The following TBX5 variants were observed in gnomAD, a reference collection of about 807,000 sequenced individuals.
The protein encoded by TBX5 is T-box transcription factor TBX5.
In TBX5, 8 loss-of-function variants were observed where a neutral mutation model predicts 51.1. That is an observed-to-expected ratio of 0.16 (90% CI 0.09 to 0.28). TBX5 has a LOEUF of 0.28. Among genes scored for constraint, TBX5 ranks in the 10% least tolerant of loss-of-function variants. The pLI is 1.00. For missense variants in TBX5, 589 were observed against 671.7 expected (o/e 0.88, Z 1.36); for synonymous variants, 302 against 266.4 (o/e 1.13, Z -1.30).
chr12:114,361,055 G>T (rs1033587208), intron 8 of TBX5, among the ~76,000 whole-genome samples: 2 of 152,116 alleles, frequency 1.3e-5, no homozygotes, highest in Admixed American at 1.3e-4. Flanking sequence ...CAAGCACCTA[G>T]CACAGTGTCC....
intron 6 of TBX5, among the ~76,000 whole-genome samples, chr12:114,392,597 C>T (rs1165821920): frequency 6.6e-6 from 1 of 152,138 alleles, no homozygotes; most frequent in East Asian, 1.9e-4. Context: ...TTCCTATCCT[C>T]CTGTATGAAC....
At chr12:114,376,274 T>C (rs7961277) in intron 7 of TBX5, among the ~76,000 whole-genome samples, 79,570 of 144,664 alleles carry the variant, frequency 0.55, 22,211 homozygotes, top group African/African-American at 0.67. Flanking sequence ...TGTATATATA[T>C]ACACACACAC....
rs560428802 is a variant in TBX5 at position 114,359,852 on chromosome 12, C to G, written c.983-3746G>C. Among the ~76,000 whole-genome samples the G allele has an allele frequency of 8.3e-4, 126 of 152,272 alleles. 1 individual carries two copies. The highest frequency in any genetic ancestry group is 1.4e-3 in the Admixed American group (21 of 15,296). On this transcript the variant is annotated intron_variant, in intron 8 of 8. Transcript: ENST00000405440. ...GATTTAATTGAGGTAATAATGAGGG[C>G]AGTTGAGTTTTTATCTTCCTTGCAC...
chr12:114,374,770 G>A (rs1870102036), intron 7 of TBX5, among the ~76,000 whole-genome samples: 1 of 152,182 alleles, frequency 6.6e-6, no homozygotes, highest in Admixed American at 6.5e-5. Context: ...TAAAATACAG[G>A]AGTGTGAACA....
chr12:114,398,624 G>A lies in TBX5; in HGVS notation c.459C>T (p.Val153=), dbSNP rs1298187596. ...TGGTGAGCTTGAGTTTCTGGAAGGAGACGAGCTGCCTCATCCAATGCGCCC... is the reference window on the plus strand; with the variant it reads ...TGGTGAGCTTGAGTTTCTGGAAGGAAACGAGCTGCCTCATCCAATGCGCCC... ...ATGAHWMRQL[V]SFQKLKLTNN... The change falls in exon 5 of 9, where the codon GTC becomes GTT. Residue 153 remains valine, a synonymous_variant. Transcript: ENST00000405440. 1 of 1,613,548 alleles carries A rather than the reference G, an allele frequency of 6.2e-7. No individual in the cohort carries two copies. The highest frequency in any genetic ancestry group is 8.5e-7 in the Non-Finnish European group (1 of 1,179,898).
rs149030937 is a variant in TBX5, at chr12:114,403,782, C to T, written c.117G>A (p.Pro39=). The stretch of plus-strand genomic sequence containing the variant: ...GGGTGAAGGCGGCCTGCGGGGACGA[C>T]GGGGACTTGCTGGGGGCCCCGAGCG... The part of the protein sequence containing the change: ...ESALGAPSKS[P]SSPQAAFTQQ... Residue 39 remains proline, a synonymous_variant, in exon 2 of 9, where the codon CCG becomes CCA. Coordinates refer to ENST00000405440, the MANE Select transcript of TBX5 (RefSeq NM_181486.4). The T allele has an allele frequency of 9.9e-6, 16 of 1,613,730 alleles. No homozygotes were observed. The African/African-American group carries it at 1.3e-4, about 13-fold the overall frequency.
At chr12:114,362,055 A>G (rs1238265663) in intron 8 of TBX5, among the ~76,000 whole-genome samples, 1 of 152,080 alleles carries the variant, frequency 6.6e-6, no homozygotes, top group Non-Finnish European at 1.5e-5. Context: ...CAAATCCACA[A>G]AGAAGTGGGG....
At chr12:114,373,232 A>T (rs1212736475) in intron 7 of TBX5, among the ~76,000 whole-genome samples, 1 of 152,132 alleles carries the variant, frequency 6.6e-6, no homozygotes, top group Non-Finnish European at 1.5e-5. Context: ...TTTGACTCAA[A>T]CTATAGAGAT....
At chr12:114,370,448 C>T (rs115823536) in intron 7 of TBX5, among the ~76,000 whole-genome samples, 98 of 152,232 alleles carry the variant, frequency 6.4e-4, no homozygotes, top group African/African-American at 2.2e-3. Flanking sequence ...CAATCCTATT[C>T]CAAAACTCAC....
chr12:114,383,133 G>A (rs146501124), intron 7 of TBX5, among the ~76,000 whole-genome samples: 51 of 152,204 alleles, frequency 3.4e-4, no homozygotes, highest in East Asian at 1.9e-3. Flanking sequence ...GGCCTGGGTC[G>A]GACACAGAAA....
intron 8 of TBX5, among the ~76,000 whole-genome samples, chr12:114,363,402 C>T (rs746901531): frequency 1.1e-4 from 16 of 152,140 alleles, no homozygotes; most frequent in South Asian, 2.1e-4. Context: ...GCCTCCCTGC[C>T]GCATCCTTCA....
intron 8 of TBX5, among the ~76,000 whole-genome samples, chr12:114,361,765 G>C (rs567480574): frequency 6.6e-6 from 1 of 152,124 alleles, no homozygotes; most frequent in Non-Finnish European, 1.5e-5. Context: ...AGGAAACCTC[G>C]GCTGATTCCT....
chr12:114,356,098 A>C lies in TBX5; in HGVS notation c.991T>G (p.Cys331Gly), dbSNP rs765327234. ...YHCTKRKEEECSTTDHPYKKP... is the reference protein window; with the variant it reads ...YHCTKRKEEEGSTTDHPYKKP... ...TTATAGGGATGGTCTGTGGTGGAAC[A>C]TTCTTCCTCTGTGAAGACAGGAGAG... Residue 331 changes from cysteine to glycine, a missense_variant, in exon 9 of 9, where the codon TGT becomes GGT. This residue lies in a region of TBX5 where 348 missense variants were observed against 360.4 expected (regional missense o/e 0.97). Transcript: ENST00000405440. 1 of 1,611,042 alleles carries C rather than the reference A, an allele frequency of 6.2e-7. No individual in the cohort carries two copies. The highest frequency in any genetic ancestry group is 2.2e-5 in the East Asian group (1 of 44,872).
chr12:114,392,103 A>G (rs1321560930), intron 6 of TBX5, among the ~76,000 whole-genome samples: 1 of 151,594 alleles, frequency 6.6e-6, no homozygotes, highest in East Asian at 1.9e-4. Context: ...AAATACGCAT[A>G]TATCCAAATG....
chr12:114,375,628 C>T (rs1283461729), intron 7 of TBX5, among the ~76,000 whole-genome samples: 1 of 152,088 alleles, frequency 6.6e-6, no homozygotes, highest in African/African-American at 2.4e-5. Flanking sequence ...CTCAAAAAGA[C>T]AAAAGATAAC....
intron 6 of TBX5, among the ~76,000 whole-genome samples, 185 bp downstream of exon 6, chr12:114,394,556 C>T (rs1337418097): frequency 2.0e-5 from 3 of 152,110 alleles, no homozygotes; most frequent in Admixed American, 2.0e-4. Flanking sequence ...AAGCCAAGCT[C>T]GTGGATATAG....
chr12:114,359,075 AT>A (rs1869087367), intron 8 of TBX5, among the ~76,000 whole-genome samples: 3 of 151,994 alleles, frequency 2.0e-5, no homozygotes, highest in African/African-American at 7.2e-5. Context: ...CCCCTTCCAG[AT>A]TTGTTACAAG....
chr12:114,378,052 A>C (rs147870862), intron 7 of TBX5, among the ~76,000 whole-genome samples: 2 of 152,246 alleles, frequency 1.3e-5, no homozygotes, highest in African/African-American at 4.8e-5. Flanking sequence ...CCTTAGGTTC[A>C]GGGACCACGC....
At chr12:114,385,713 C>CACCGAGATCTA in intron 6 of TBX5, 146 bp from the exon 7 acceptor site, 1 of 715,608 alleles carries the variant, frequency 1.4e-6, no homozygotes, top group South Asian at 1.5e-5. Context: ...TCAACGGGAC[C>CACCGAGATCTA]CACCACTTCA....
Sources: allele counts gnomAD v4.1 joint callset (sites outside exome capture counted in the v4.1 genomes callset), GRCh38; gene constraint gnomAD v4.1.1; regional missense constraint gnomAD v4.1.1; transcripts MANE v1.5; gene names NCBI Gene and HGNC (gene_info 2026-07-23, HGNC 2026-07-21).